The following TMEM164 variants were observed in gnomAD, a reference collection of about 807,000 sequenced individuals.
TMEM164 encodes the protein transmembrane protein 164.
In TMEM164, 4 loss-of-function variants were observed where a neutral mutation model predicts 18.8. The observed-to-expected ratio is 0.21, with a 90% CI of 0.10 to 0.49. The LOEUF is 0.49. Among genes scored for constraint, TMEM164 ranks in the 20% least tolerant of loss-of-function variants. The pLI, the probability that TMEM164 is intolerant of heterozygous loss-of-function variation, is 0.98. For synonymous variants in TMEM164, 86 were observed against 101.7 expected, an observed-to-expected ratio of 0.85 and a Z score of 0.93; for missense variants, 108 against 239.9, an observed-to-expected ratio of 0.45 and a Z score of 3.63.
At chrX:110,006,154 C>T (rs1053741118) in intron 2 of TMEM164, among the ~76,000 whole-genome samples, 3 of 111,325 alleles carry the variant, frequency 2.7e-5, no homozygotes, top group African/African-American at 9.8e-5. Flanking sequence ...TTCTTGTCTC[C>T]ATAAGTCGTA....
At chrX:110,093,140 A>T (rs149477255) in intron 3 of TMEM164, among the ~76,000 whole-genome samples, 3,181 of 111,574 alleles carry the variant, frequency 0.029, 122 homozygotes, top group African/African-American at 0.099. Context: ...TTTTGCATCG[A>T]TGTTCATCAG....
intron 3 of TMEM164, among the ~76,000 whole-genome samples, chrX:110,095,849 G>A (rs1179342670): frequency 8.9e-6 from 1 of 112,116 alleles, no homozygotes; most frequent in African/African-American, 3.2e-5. Context: ...TGATGATGAC[G>A]TACAGATGGG....
At chrX:110,100,258 C>T (rs1039839155) in intron 3 of TMEM164, among the ~76,000 whole-genome samples, 4 of 110,295 alleles carry the variant, frequency 3.6e-5, no homozygotes, top group Non-Finnish European at 5.7e-5. Flanking sequence ...CTAATGTTGT[C>T]GGGGGGAGCA....
At chrX:110,163,734 C>T (rs981345210) in intron 5 of TMEM164, among the ~76,000 whole-genome samples, 2 of 111,765 alleles carry the variant, frequency 1.8e-5, no homozygotes, top group Admixed American at 9.5e-5. Flanking sequence ...CATAAGATGA[C>T]GAAACAGTGA....
At chrX:110,183,210 C>T (rs184386503), downstream of TMEM164, among the ~76,000 whole-genome samples, 1 of 112,078 alleles carries the variant, frequency 8.9e-6, no homozygotes, top group Admixed American at 9.4e-5. Context: ...AGAGCACTGC[C>T]GTCAGAACTC....
At chrX:110,082,707 AC>A (rs2065777429) in intron 3 of TMEM164, among the ~76,000 whole-genome samples, 3 of 109,634 alleles carry the variant, frequency 2.7e-5, no homozygotes, top group African/African-American at 1.0e-4. Flanking sequence ...GTGTAACCAG[AC>A]CTCCCCCTCA....
intron 2 of TMEM164, among the ~76,000 whole-genome samples, chrX:110,014,680 G>A (rs1933206736): frequency 9.3e-6 from 1 of 108,103 alleles, no homozygotes; most frequent in Admixed American, 9.8e-5. Flanking sequence ...AAGTATGAAA[G>A]GAGTGAGCTT....
intron 4 of TMEM164, among the ~76,000 whole-genome samples, chrX:110,129,227 A>G (rs1445599882): frequency 8.9e-6 from 1 of 112,084 alleles, no homozygotes; most frequent in African/African-American, 3.2e-5. Context: ...TTTCCCTGCT[A>G]CTCCAACTCA....
intron 2 of TMEM164, among the ~76,000 whole-genome samples, chrX:110,037,400 C>T (rs1005694668): frequency 8.9e-6 from 1 of 112,087 alleles, no homozygotes; most frequent in African/African-American, 3.2e-5. Context: ...TTGGCCCCTC[C>T]TTCAGTGGAT....
chrX:110,179,854 G>A (rs760113211), downstream of TMEM164, among the ~76,000 whole-genome samples: 1 of 112,159 alleles, frequency 8.9e-6, no homozygotes, highest in Non-Finnish European at 1.9e-5. Context: ...CCGTGAACAA[G>A]GATCTTACAC....
At chrX:110,158,483 T>C (rs1420170456) in intron 5 of TMEM164, among the ~76,000 whole-genome samples, 1 of 112,276 alleles carries the variant, frequency 8.9e-6, no homozygotes, top group East Asian at 2.8e-4. Flanking sequence ...TGCAACGCAC[T>C]GTATTGCTTT....
intron 3 of TMEM164, among the ~76,000 whole-genome samples, chrX:110,085,446 T>C (rs2065838659): frequency 9.1e-6 from 1 of 110,457 alleles, no homozygotes; most frequent in Admixed American, 9.7e-5. Flanking sequence ...AATAAAGGCA[T>C]GAGCCACCAT....
rs768316088 is a variant in TMEM164 at position 110,003,989 on chromosome X, C to T, written c.215C>T (p.Pro72Leu). The T allele has an allele frequency of 8.3e-7, 1 of 1,211,759 alleles. No homozygotes were observed. The highest frequency in any genetic ancestry group is 1.8e-5 in the South Asian group (1 of 56,959). The change falls in exon 2 of 7, where the codon CCT becomes CTT. Residue 72 changes from proline to leucine, a missense_variant. Transcript: ENST00000372068. ...ACGAAGGAGGACGGTAGGGGTAGCCCTGGCAGCCAGCCAGAGCAGGTGACC... is the reference window on the plus strand; with the variant it reads ...ACGAAGGAGGACGGTAGGGGTAGCCTTGGCAGCCAGCCAGAGCAGGTGACC... Reference protein sequence around the residue: ...RQTKEDGRGSPGSQPEQVTQR... With the variant: ...RQTKEDGRGSLGSQPEQVTQR...
At chrX:110,166,692 T>G (rs143657902) in intron 5 of TMEM164, among the ~76,000 whole-genome samples, 2 of 112,188 alleles carry the variant, frequency 1.8e-5, no homozygotes, top group Non-Finnish European at 3.8e-5. Flanking sequence ...ATTATCTAGG[T>G]TTTCCCCTAC....
At chrX:110,096,126 C>T (rs909020490) in intron 3 of TMEM164, among the ~76,000 whole-genome samples, 7 of 112,523 alleles carry the variant, frequency 6.2e-5, no homozygotes, top group African/African-American at 1.3e-4. Flanking sequence ...TTAGGCTACT[C>T]GGGGGTCAGG....
At chrX:110,180,497 C>CG (rs1398737683), downstream of TMEM164, among the ~76,000 whole-genome samples, 5 of 108,547 alleles carry the variant, frequency 4.6e-5, no homozygotes, top group African/African-American at 1.8e-4. Context: ...CCCCCCGCCC[C>CG]GCCCACAGTC....
intron 2 of TMEM164, among the ~76,000 whole-genome samples, chrX:110,057,267 A>T (rs889247360): frequency 2.7e-5 from 3 of 112,054 alleles, no homozygotes; most frequent in South Asian, 3.7e-4. Context: ...ATGTGACATC[A>T]TAAGATATTT....
intron 2 of TMEM164, among the ~76,000 whole-genome samples, chrX:110,057,094 CTA>C (rs1459522513): frequency 9.0e-6 from 1 of 110,605 alleles, no homozygotes; most frequent in African/African-American, 3.3e-5. Flanking sequence ...GTATTTTCAC[CTA>C]TAGTCGCCAT....
Position 110,144,833 on chromosome X carries a change from T to C in TMEM164, c.543T>C (p.His181=). The change falls in exon 5 of 7, where the codon CAT becomes CAC. Residue 181 remains histidine, a synonymous_variant. Transcript: ENST00000372068. ...PFELEIYYIQ[H]VMLYVVPIYL... ...AATTGGAGATTTACTACATTCAGCA[T>C]GTTATGCTCTACGTGGTACCCATCT... 1 of 1,209,108 alleles carries C rather than the reference T, an allele frequency of 8.3e-7. No individual in the cohort carries two copies. Among genetic ancestry groups the C allele is most frequent in the Middle Eastern group, 2.3e-4 (1 of 4,350 alleles).
Sources: gnomAD v4.1 joint callset for allele counts (sites outside exome capture counted in the v4.1 genomes callset) on GRCh38, gnomAD v4.1.1 for gene constraint, MANE v1.5 for transcripts, NCBI Gene and HGNC (gene_info 2026-07-23, HGNC 2026-07-21) for gene names.